Variants in TMIGD3 observed in about 807,000 individuals in gnomAD.
The protein encoded by TMIGD3 is AD026 protein (AD026).
Under a neutral mutation model 28.1 loss-of-function variants are expected in TMIGD3, and 21 were observed. The ratio of observed to expected loss-of-function variants is 0.75; its 90% confidence interval spans 0.53 to 1.08. The LOEUF is 1.08. Ranked by LOEUF, TMIGD3 falls within the 50% of genes least tolerant of loss-of-function variation. The probability of loss-of-function intolerance (pLI) is 0.00; values close to 1 mark genes in which losing one functional copy is unlikely to be tolerated. For missense variants in TMIGD3, 416 were observed against 435.6 expected, an observed-to-expected ratio of 0.96 and a Z score of 0.40; for synonymous variants, 151 against 162.1, an observed-to-expected ratio of 0.93 and a Z score of 0.52.
intron 1 of TMIGD3, among the ~76,000 whole-genome samples, chr1:111,511,383 C>A (rs1333838130): frequency 6.6e-6 from 1 of 152,182 alleles, no homozygotes; most frequent in Non-Finnish European, 1.5e-5. Context: ...ACTCTCAGGT[C>A]TGTCTTCTCC....
At chr1:111,526,888 G>A (rs747326525) in intron 1 of TMIGD3, among the ~76,000 whole-genome samples, 2 of 151,656 alleles carry the variant, frequency 1.3e-5, no homozygotes, top group Non-Finnish European at 2.9e-5. Context: ...TAGTTTTACT[G>A]CTCTTTGCCC....
intron 1 of TMIGD3, among the ~76,000 whole-genome samples, chr1:111,491,125 C>A (rs892081290): frequency 6.6e-6 from 1 of 152,262 alleles, no homozygotes; most frequent in African/African-American, 2.4e-5. Flanking sequence ...CTTGGAGGCC[C>A]AATTTCTTAT....
At position 111,483,668 on chromosome 1, in the gene TMIGD3, AAATT is replaced by A; in HGVS notation, c.*15_*18del. On this transcript the variant is annotated 3_prime_UTR_variant, in exon 6 of 6. Transcript: ENST00000369716. ...CTGTTGTAGCATCACTTTATGAACT[AAATT>A]AAAAAAATCTTCAGTCACATCTGTT... 1 of 1,595,904 alleles carries A rather than the reference AAATT, an allele frequency of 6.3e-7. No individual in the cohort carries two copies. Among genetic ancestry groups the A allele is most frequent in the Non-Finnish European group, 8.6e-7 (1 of 1,163,658 alleles).
rs1224667389 is a variant in TMIGD3 at position 111,551,171 on chromosome 1, A to G, written c.107+12675T>C. ...TTTACAAACAGCATATAGTTGGATC[A>G]TGTTTTTTTTTGAAATTCATTCTTC... On this transcript the variant is annotated intron_variant, in intron 1 of 5. Transcript: ENST00000369717. Among the ~76,000 whole-genome samples the G allele has an allele frequency of 5.3e-5, 8 of 152,164 alleles. No individual in the cohort carries two copies. In the East Asian group the frequency reaches 1.5e-3, roughly 29 times the overall value.
rs1655362701 is a variant in TMIGD3 at position 111,503,496 on chromosome 1, T to C, written c.-142A>G. The C allele has an allele frequency of 6.9e-7, 1 of 1,444,536 alleles. No homozygotes were observed. Among genetic ancestry groups the C allele is most frequent in the Non-Finnish European group, 9.1e-7 (1 of 1,099,906 alleles). The allele number at this position is 1,444,536 out of a possible 1,614,324, so 89.5% of individuals were successfully genotyped here. On this transcript the variant is annotated 5_prime_UTR_variant, in exon 1 of 6. Coordinates refer to ENST00000369716, the MANE Select transcript of TMIGD3 (RefSeq NM_020683.7). ...CTAAAATTCCCAACTTGCTCATTCC[T>C]ACCCTTTTCTGGTGGGGTGATCTCT... is the stretch of plus-strand genomic sequence containing the variant.
At chr1:111,513,732 C>T (rs961840479) in intron 1 of TMIGD3, among the ~76,000 whole-genome samples, 7 of 152,160 alleles carry the variant, frequency 4.6e-5, no homozygotes, top group Non-Finnish European at 1.0e-4. Context: ...CCCCCTCCCT[C>T]CCTCTACCCC....
chr1:111,488,623 C>G, intron 3 of TMIGD3, 54 bp downstream of exon 3: 1 of 1,512,716 alleles, frequency 6.6e-7, no homozygotes, highest in Non-Finnish European at 9.1e-7. Flanking sequence ...CTCTTAGCAG[C>G]AAACACCCAT....
At position 111,502,106 on chromosome 1, in the gene TMIGD3, T is replaced by TA. The variant is rs1318902074; in HGVS notation, c.350+898_350+899insT. On this transcript the variant is annotated intron_variant, in intron 1 of 5. Coordinates refer to ENST00000369716, the MANE Select transcript of TMIGD3 (RefSeq NM_020683.7). ...ATAAATATATATAGGAGATATATAT[T>TA]TAATATAATAAATATATAGGATATA... 1.6e-3 allele frequency among the ~76,000 whole-genome samples: 44 copies of TA among 28,018 alleles called. 1 individual carries two copies. The highest frequency in any genetic ancestry group is 3.4e-3 in the African/African-American group (41 of 12,206). 18.4% of individuals were successfully genotyped at this position (28,018 alleles called of 152,430 possible).
intron 5 of TMIGD3, among the ~76,000 whole-genome samples, chr1:111,484,926 G>C (rs1039586117): frequency 6.6e-6 from 1 of 152,188 alleles, no homozygotes; most frequent in African/African-American, 2.4e-5. Context: ...TCTGCTCTGT[G>C]TACACTTCAG....
intron 1 of TMIGD3, among the ~76,000 whole-genome samples, chr1:111,501,850 C>T (rs1020336834): frequency 2.6e-5 from 4 of 151,540 alleles, no homozygotes; most frequent in Admixed American, 6.6e-5. Context: ...AGAGAAGTGA[C>T]GAGAAACACG....
chr1:111,522,070 G>T (rs183987607), intron 1 of TMIGD3, among the ~76,000 whole-genome samples: 3 of 152,124 alleles, frequency 2.0e-5, no homozygotes, highest in East Asian at 3.8e-4. Context: ...GACCATATAC[G>T]TATGGGTTTA....
intron 1 of TMIGD3, among the ~76,000 whole-genome samples, chr1:111,542,696 GTT>G (rs66509119): frequency 2.0e-5 from 3 of 150,176 alleles, no homozygotes; most frequent in Admixed American, 2.0e-4. Flanking sequence ...TTTTGTTTTT[GTT>G]TTTTTTTTCT....
intron 1 of TMIGD3, among the ~76,000 whole-genome samples, chr1:111,551,002 A>G (rs76436018): frequency 0.05 from 7,591 of 152,166 alleles, 390 homozygotes; most frequent in East Asian, 0.18. Context: ...TCTCATGACA[A>G]TTTTTGTCTT....
At chr1:111,533,055 A>G (rs1656507789) in intron 1 of TMIGD3, among the ~76,000 whole-genome samples, 1 of 152,126 alleles carries the variant, frequency 6.6e-6, no homozygotes, top group Non-Finnish European at 1.5e-5. Flanking sequence ...GCCCCTCCTA[A>G]CCAGAATATC....
chr1:111,563,892 C>T (rs1461518512), exon 1 of TMIGD3: 18 of 1,613,692 alleles, frequency 1.1e-5, no homozygotes, highest in Non-Finnish European at 8.5e-7. Context: ...GGCTGCTCTT[C>T]CCAGGAGCTT....
intron 1 of TMIGD3, among the ~76,000 whole-genome samples, chr1:111,543,330 G>C (rs1656912954): frequency 6.6e-6 from 1 of 152,118 alleles, no homozygotes; most frequent in Non-Finnish European, 1.5e-5. Flanking sequence ...TTTTGAAAGA[G>C]CAACTGACAA....
At chr1:111,527,744 T>C (rs1158699312) in intron 1 of TMIGD3, among the ~76,000 whole-genome samples, 3 of 152,234 alleles carry the variant, frequency 2.0e-5, no homozygotes, top group Non-Finnish European at 4.4e-5. Context: ...CAATTTCTAG[T>C]GACATATGAG....
In TMIGD3 at chr1:111,503,068, G is replaced by A. The variant is rs370388667; in HGVS notation, c.287C>T (p.Ala96Val). The change falls in exon 1 of 6, where the codon GCC (alanine) becomes GTC (valine). Residue 96 changes from alanine to valine, a missense_variant. By Grantham distance (64) the Ala-to-Val change is moderately conservative (BLOSUM62 0). Coordinates refer to ENST00000369716, the MANE Select transcript of TMIGD3 (RefSeq NM_020683.7). ...GATGGCCAGCAAGGACATGATGGAGGCGTGGGTAAAGATAAGCAGTAGGCA... is the reference window on the plus strand; with the variant it reads ...GATGGCCAGCAAGGACATGATGGAGACGTGGGTAAAGATAAGCAGTAGGCA... ...MTCLLLIFTH[A>V]SIMSLLAIAV... 6 of 1,614,128 alleles carry A rather than the reference G, an allele frequency of 3.7e-6. No homozygotes were observed. The East Asian group carries it at 1.3e-4, about 36-fold the overall frequency.
chr1:111,519,594 AG>A (rs1655985123), intron 1 of TMIGD3, among the ~76,000 whole-genome samples: 1 of 152,194 alleles, frequency 6.6e-6, no homozygotes, highest in Admixed American at 6.5e-5. Flanking sequence ...AGTTGCATAC[AG>A]GAAGACTCAT....
Sources: allele counts gnomAD v4.1 joint callset (sites outside exome capture counted in the v4.1 genomes callset), GRCh38; gene constraint gnomAD v4.1.1; transcripts MANE v1.5; gene names NCBI Gene and HGNC (gene_info 2026-07-23, HGNC 2026-07-21).